The following MAP2K5 variants were observed in gnomAD, a reference collection of about 807,000 sequenced individuals.
MAP2K5 encodes the protein mitogen-activated protein kinase kinase 5.
Under a neutral mutation model 83.1 loss-of-function variants are expected in MAP2K5, and 49 were observed. The observed-to-expected ratio is 0.59, with a 90% CI of 0.47 to 0.75. MAP2K5 has a LOEUF of 0.75. Among genes scored for constraint, MAP2K5 ranks in the 30% least tolerant of loss-of-function variants. The pLI is 0.00. For missense variants in MAP2K5, 457 were observed against 557.5 expected, an observed-to-expected ratio of 0.82 and a Z score of 1.82; for synonymous variants, 202 against 191.8, an observed-to-expected ratio of 1.05 and a Z score of -0.44.
chr15:67,551,464 C>G (rs1202233515), intron 2 of MAP2K5, among the ~76,000 whole-genome samples: 1 of 152,146 alleles, frequency 6.6e-6, no homozygotes, highest in African/African-American at 2.4e-5. Context: ...TCCCAAGTAA[C>G]TGGGACTACA....
In MAP2K5 at chr15:67,543,396, A is replaced by G; in HGVS notation, c.61A>G (p.Ile21Val). ...GGAGAACCAGGTGCTGGTAATTCGCATCAAGATCCCAAATAGTGGCGCGGT... is the reference window on the plus strand; with the variant it reads ...GGAGAACCAGGTGCTGGTAATTCGCGTCAAGATCCCAAATAGTGGCGCGGT... ...AMENQVLVIRIKIPNSGAVDW... is the reference protein window; with the variant it reads ...AMENQVLVIRVKIPNSGAVDW... Residue 21 changes from isoleucine (I) to valine (V), a missense_variant, in exon 1 of 22, where the codon ATC (isoleucine) becomes GTC (valine). Physicochemically the swap from Ile to Val is conservative, Grantham distance 29 (BLOSUM62 3). Around this residue, in one of 3 missense-constraint regions of MAP2K5, gnomAD observed 234 missense variants for 243.6 expected, o/e 0.96. Coordinates refer to ENST00000178640, the MANE Select transcript of MAP2K5 (RefSeq NM_145160.3). The surrounding 1 kb of genome is among the most constrained non-coding windows in gnomAD (Gnocchi z 4.3). The G allele has an allele frequency of 6.2e-7, 1 of 1,614,118 alleles. No individual in the cohort carries two copies.
intron 9 of MAP2K5, among the ~76,000 whole-genome samples, chr15:67,645,654 A>G (rs2086814974): frequency 6.6e-6 from 1 of 151,960 alleles, no homozygotes; most frequent in Non-Finnish European, 1.5e-5. Context: ...CCTGAGCTCA[A>G]GTGATCCTCC....
rs1329721576 is a variant in MAP2K5 at position 67,719,102 on chromosome 15, C to T, written c.1045-8814C>T. On this transcript the variant is annotated intron_variant, in intron 16 of 21. Coordinates refer to ENST00000178640, the MANE Select transcript of MAP2K5 (RefSeq NM_145160.3). This position sits in a 1 kb window ranked among gnomAD's most constrained non-coding sequence, Gnocchi z 4.6. ...TAACCATCATTCTACTGTCTATCTC[C>T]ATGAGTTCAATTCATTTAATTCTAA... 6.6e-6 allele frequency among the ~76,000 whole-genome samples: 1 copy of T among 152,150 alleles called. No individual in the cohort carries two copies. Among genetic ancestry groups the T allele is most frequent in the Non-Finnish European group, 1.5e-5 (1 of 68,032 alleles).
intron 17 of MAP2K5, among the ~76,000 whole-genome samples, chr15:67,728,163 G>A (rs2089142176): frequency 6.6e-6 from 1 of 152,034 alleles, no homozygotes; most frequent in Non-Finnish European, 1.5e-5. Flanking sequence ...AGTGATCATT[G>A]TGCTTTTCCT....
chr15:67,585,590 A>C (rs935882659), intron 4 of MAP2K5, among the ~76,000 whole-genome samples: 1 of 152,190 alleles, frequency 6.6e-6, no homozygotes, highest in Non-Finnish European at 1.5e-5. Flanking sequence ...AGATTGCAGA[A>C]ATTTGAATTA....
rs555777065 is a variant in MAP2K5 at position 67,724,099 on chromosome 15, A to G, written c.1045-3817A>G. ...AGAAACAGGCAAAATTAAAAAGGAC[A>G]TTAAAGCTTCATTAAATCTGAAACA... On this transcript the variant is annotated intron_variant, in intron 16 of 21. Transcript: ENST00000178640. This position sits in a 1 kb window ranked among gnomAD's most constrained non-coding sequence, Gnocchi z 4.4. Among the ~76,000 whole-genome samples, 1 of 152,338 alleles carries G rather than the reference A, an allele frequency of 6.6e-6. No individual in the cohort carries two copies. Among genetic ancestry groups the G allele is most frequent in the East Asian group, 1.9e-4 (1 of 5,196 alleles).
chr15:67,660,387 G>T (rs1294680623), intron 12 of MAP2K5, among the ~76,000 whole-genome samples: 1 of 152,094 alleles, frequency 6.6e-6, no homozygotes, highest in Non-Finnish European at 1.5e-5. Flanking sequence ...CACCAGGAGG[G>T]TTGTACTAGT....
chr15:67,655,586 C>G (rs761102357), intron 11 of MAP2K5, among the ~76,000 whole-genome samples: 2 of 152,004 alleles, frequency 1.3e-5, no homozygotes, highest in Non-Finnish European at 2.9e-5. Context: ...AGCTCTTGTT[C>G]TTTTGAGGAT....
Position 67,801,927 on chromosome 15 carries a change from T to C in MAP2K5, c.1243-4719T>C, listed in dbSNP as rs147819337. 1.6e-4 allele frequency among the ~76,000 whole-genome samples: 25 copies of C among 152,336 alleles called. No individual in the cohort carries two copies. Among genetic ancestry groups the C allele is most frequent in the African/African-American group, 6.0e-4 (25 of 41,570 alleles). On this transcript the variant is annotated intron_variant, in intron 21 of 21. Transcript: ENST00000178640. This position sits in a 1 kb window ranked among gnomAD's most constrained non-coding sequence, Gnocchi z 4.8. ...GGGACCCCAAATAGGTACATTCCTA[T>C]TTCAGAAGAAGCTCAAAGCCCAACT... is the stretch of plus-strand genomic sequence containing the variant.
intron 20 of MAP2K5, among the ~76,000 whole-genome samples, chr15:67,772,246 A>G (rs1285051700): frequency 1.3e-5 from 2 of 152,202 alleles, no homozygotes; most frequent in Non-Finnish European, 2.9e-5. Context: ...GTAACAGTGA[A>G]AGAATGAGAT....
At position 67,656,516 on chromosome 15, in the gene MAP2K5, A is replaced by G. The variant is rs550058388; in HGVS notation, c.737-2037A>G. ...TCTAATTTTTATATTTTTGGTAGAG[A>G]TGGGGTTTTGCCGTGTCTCCTAGGC... is the stretch of plus-strand genomic sequence containing the variant. On this transcript the variant is annotated intron_variant, in intron 11 of 21. Transcript: ENST00000178640. Among the ~76,000 whole-genome samples the G allele has an allele frequency of 1.7e-4, 26 of 152,002 alleles. No individual in the cohort carries two copies. The East Asian group carries it at 4.3e-3, about 25-fold the overall frequency.
chr15:67,758,389 G>A lies in MAP2K5; in HGVS notation c.1134+9788G>A, dbSNP rs1416533274. Among the ~76,000 whole-genome samples the A allele has an allele frequency of 6.6e-6, 1 of 152,086 alleles. No homozygotes were observed. Among genetic ancestry groups the A allele is most frequent in the African/African-American group, 2.4e-5 (1 of 41,392 alleles). On this transcript the variant is annotated intron_variant, in intron 19 of 21. Coordinates refer to ENST00000178640, the MANE Select transcript of MAP2K5 (RefSeq NM_145160.3). This position sits in a 1 kb window ranked among gnomAD's most constrained non-coding sequence, Gnocchi z 4.7. ...CTGAGATGGGGCACACGGAAAGAGA[G>A]GCATTTTCAAGGGATGAGATGATTA...
rs369267206 is a variant in MAP2K5 at position 67,800,312 on chromosome 15, G to GT, written c.1243-6325dup. Among the ~76,000 whole-genome samples, 755 of 151,190 alleles carry GT rather than the reference G, an allele frequency of 5.0e-3. 2 individuals are homozygous for GT. The highest frequency in any genetic ancestry group is 0.013 in the African/African-American group (517 of 41,164). ...ACTTCAATATTAATGTAGAAGTGGGGTTTTTTTTTAGCATGAATGTATTAG... is the reference window on the plus strand; with the variant it reads ...ACTTCAATATTAATGTAGAAGTGGGGTTTTTTTTTTAGCATGAATGTATTAG... On this transcript the variant is annotated intron_variant, in intron 21 of 21. Coordinates refer to ENST00000178640, the MANE Select transcript of MAP2K5 (RefSeq NM_145160.3).
At chr15:67,732,846 A>G (rs2089251740) in intron 17 of MAP2K5, among the ~76,000 whole-genome samples, 1 of 152,124 alleles carries the variant, frequency 6.6e-6, no homozygotes, top group Non-Finnish European at 1.5e-5. Flanking sequence ...TGTCTGCGCC[A>G]GGCTTTTCAC....
chr15:67,716,623 G>A (rs2088831958), intron 16 of MAP2K5, among the ~76,000 whole-genome samples: 1 of 152,148 alleles, frequency 6.6e-6, no homozygotes, highest in African/African-American at 2.4e-5. Context: ...TTAACTTAAA[G>A]AGAGACTTCA....
At chr15:67,776,409 A>G (rs967743780) in intron 21 of MAP2K5, among the ~76,000 whole-genome samples, 3 of 152,212 alleles carry the variant, frequency 2.0e-5, no homozygotes, top group Admixed American at 1.3e-4. Context: ...CAGAATGTCC[A>G]GCAGGCCTTC....
At chr15:67,602,753 C>T (rs1180750524) in intron 8 of MAP2K5, among the ~76,000 whole-genome samples, 3 of 152,154 alleles carry the variant, frequency 2.0e-5, no homozygotes, top group Non-Finnish European at 4.4e-5. Flanking sequence ...CCTCTGCCTC[C>T]CAGGATTCTC....
intron 3 of MAP2K5, among the ~76,000 whole-genome samples, chr15:67,575,215 A>G (rs564229780): frequency 6.6e-6 from 1 of 152,310 alleles, no homozygotes; most frequent in South Asian, 2.1e-4. Context: ...TGAAACTTTG[A>G]AGTGGCTAAA....
At chr15:67,659,473 T>C (rs1300839667) in intron 12 of MAP2K5, 1 of 152,174 alleles carries the variant, frequency 6.6e-6, no homozygotes, top group Non-Finnish European at 1.5e-5. Flanking sequence ...CTTTCCTTTT[T>C]TCTTTCTAAT....
Sources: allele counts gnomAD v4.1 joint callset (sites outside exome capture counted in the v4.1 genomes callset), GRCh38; gene constraint gnomAD v4.1.1; regional missense constraint gnomAD v4.1.1; non-coding constraint Gnocchi (gnomAD v3.1); transcripts MANE v1.5; gene names NCBI Gene and HGNC (gene_info 2026-07-23, HGNC 2026-07-21).